The following KLHL12 variants were observed in gnomAD, a reference collection of about 807,000 sequenced individuals.
KLHL12 encodes the protein kelch-like protein 12.
Under a neutral mutation model 60.8 loss-of-function variants are expected in KLHL12, and 17 were observed. That is an observed-to-expected ratio of 0.28 (90% CI 0.19 to 0.42). KLHL12 has a LOEUF of 0.42. Among genes scored for constraint, KLHL12 ranks in the 10% least tolerant of loss-of-function variants. The pLI is 1.00. For synonymous variants in KLHL12, 220 were observed against 250.9 expected (o/e 0.88, Z 1.16); for missense variants, 468 against 722.3 (o/e 0.65, Z 4.04).
At chr1:202,905,039 A>T (rs1660140232) in intron 6 of KLHL12, among the ~76,000 whole-genome samples, 1 of 152,232 alleles carries the variant, frequency 6.6e-6, no homozygotes, top group East Asian at 1.9e-4. Flanking sequence ...GGTAGAGGAC[A>T]TGATGGTAAG....
chr1:202,907,551 T>C (rs907061784), intron 6 of KLHL12, among the ~76,000 whole-genome samples: 1 of 146,910 alleles, frequency 6.8e-6, no homozygotes, highest in African/African-American at 2.5e-5. Context: ...TGAGCCAAGA[T>C]TGCACCACTG....
Position 202,918,165 on chromosome 1 carries a change from C to G in KLHL12, c.567+6G>C, listed in dbSNP as rs755566576. On this transcript the variant is annotated splice_donor_region_variant and intron_variant, in intron 4 of 11. Transcript: ENST00000367261. ...AAGAAACCATAACATCAAGACAAATCCGTACCTGAATTTCGTCGCACTTGA... is the reference window on the plus strand; with the variant it reads ...AAGAAACCATAACATCAAGACAAATGCGTACCTGAATTTCGTCGCACTTGA... 1.2e-6 allele frequency: 2 copies of G among 1,602,754 alleles called. No homozygotes were observed. The highest frequency in any genetic ancestry group is 4.5e-5 in the East Asian group (2 of 44,828).
intron 9 of KLHL12, 98 bp from the exon 10 acceptor site, chr1:202,894,380 A>AT (rs1659766809): frequency 2.2e-6 from 2 of 929,718 alleles, no homozygotes; most frequent in Non-Finnish European, 3.3e-6. Flanking sequence ...TTTAGTTTCA[A>AT]TTTTCCCACA....
intron 1 of KLHL12, among the ~76,000 whole-genome samples, chr1:202,926,369 G>T (rs1421156213): frequency 1.3e-5 from 2 of 152,112 alleles, no homozygotes; most frequent in Non-Finnish European, 2.9e-5. Context: ...TCTTTCAACA[G>T]GAAAAATGAG....
chr1:202,896,664 C>G (rs1659844221), intron 7 of KLHL12, among the ~76,000 whole-genome samples, 190 bp downstream of exon 7: 1 of 152,210 alleles, frequency 6.6e-6, no homozygotes, highest in Non-Finnish European at 1.5e-5. Context: ...ACTGACATTT[C>G]TAAGGCATAA....
At chr1:202,892,771 G>T in intron 11 of KLHL12, 112 bp from the exon 12 acceptor site, 1 of 1,122,130 alleles carries the variant, frequency 8.9e-7, no homozygotes, top group Non-Finnish European at 1.3e-6. Context: ...AAGCCCAGGA[G>T]GGAATTTGAG....
chr1:202,928,256 CAG>C (rs1653711688), upstream of KLHL12, among the ~76,000 whole-genome samples: 1 of 120,344 alleles, frequency 8.3e-6, no homozygotes, highest in African/African-American at 3.2e-5. Flanking sequence ...GCCTGGGCGA[CAG>C]AGCAAGACTC....
intron 6 of KLHL12, among the ~76,000 whole-genome samples, chr1:202,901,364 C>T (rs544515856): frequency 6.6e-6 from 1 of 152,050 alleles, no homozygotes; most frequent in South Asian, 2.1e-4. Context: ...CTCCCAGGCT[C>T]AAGCAATCCT....
chr1:202,895,764 T>A lies in KLHL12; in HGVS notation c.940-47A>T, dbSNP rs763454909. On this transcript the variant is annotated intron_variant, in intron 7 of 11. Transcript: ENST00000367261. The surrounding 1 kb of genome is among the most constrained non-coding windows in gnomAD (Gnocchi z 4.2). ...GTACAGAGCATTTCAGTTAGGCAAGTTTTGGGCCTTACCTTTTGCTATCTT... is the reference window on the plus strand; with the variant it reads ...GTACAGAGCATTTCAGTTAGGCAAGATTTGGGCCTTACCTTTTGCTATCTT... 6.0e-6 allele frequency: 9 copies of A among 1,496,290 alleles called. No individual in the cohort carries two copies. The highest frequency in any genetic ancestry group is 3.5e-5 in the Admixed American group (2 of 57,216). The allele number at this position is 1,496,290 out of a possible 1,614,324, so 92.7% of individuals were successfully genotyped here.
intron 6 of KLHL12, among the ~76,000 whole-genome samples, chr1:202,904,301 G>A (rs753314178): frequency 6.6e-6 from 1 of 152,194 alleles, no homozygotes; most frequent in Non-Finnish European, 1.5e-5. Flanking sequence ...ACCCTGCCAG[G>A]CCAACCCTTT....
chr1:202,909,200 A>G lies in KLHL12; in HGVS notation c.718-76T>C. ...ATAAGAGTACAAAGAGCACATGCAA[A>G]TAATTAACTTCTGACTACAGAAAAC... On this transcript the variant is annotated intron_variant, in intron 5 of 11. Coordinates refer to ENST00000367261, the MANE Select transcript of KLHL12 (RefSeq NM_021633.4). The surrounding 1 kb of genome is among the most constrained non-coding windows in gnomAD (Gnocchi z 4.1). The G allele has an allele frequency of 1.1e-6, 1 of 908,426 alleles. No individual in the cohort carries two copies. The highest frequency in any genetic ancestry group is 1.7e-6 in the Non-Finnish European group (1 of 572,478). The allele number at this position is 908,426 out of a possible 1,614,324, so 56.3% of individuals were successfully genotyped here. A position where few individuals can be genotyped will look rare whatever the true frequency, so the allele number is the denominator to read the frequency against.
chr1:202,912,569 A>C, intron 4 of KLHL12: 2 of 1,162,506 alleles, frequency 1.7e-6, no homozygotes, highest in Non-Finnish European at 2.6e-6. Flanking sequence ...CAACTACAAT[A>C]ATCAGTCTTC....
At position 202,892,595 on chromosome 1, in the gene KLHL12, C is replaced by T; in HGVS notation, c.1645G>A (p.Val549Ile). ...CYDPIIDSWE[V>I]VTSMGTQRCD... is the part of the protein sequence containing the mutation. ...CGCTGGGTTCCCATGGATGTCACGA[C>T]TTCCCAGCTGTCGATGATAGGGTCA... The change falls in exon 12 of 12, where the codon GTC becomes ATC. Residue 549 changes from valine (V) to isoleucine (I), a missense_variant. By Grantham distance (29) the Val-to-Ile change is conservative (BLOSUM62 3). Coordinates refer to ENST00000367261, the MANE Select transcript of KLHL12 (RefSeq NM_021633.4). 6.2e-7 allele frequency: 1 copy of T among 1,614,162 alleles called. No individual in the cohort carries two copies. The highest frequency in any genetic ancestry group is 8.5e-7 in the Non-Finnish European group (1 of 1,180,016).
rs1478854844 is a variant in KLHL12, at chr1:202,895,450, C to T, written c.1135+72G>A. 6.2e-6 allele frequency: 8 copies of T among 1,296,460 alleles called. No homozygotes were observed. In the East Asian group the frequency reaches 1.6e-4, roughly 26 times the overall value. The allele number at this position is 1,296,460 out of a possible 1,614,324, so 80.3% of individuals were successfully genotyped here. A position where few individuals can be genotyped will look rare whatever the true frequency, so the allele number is the denominator to read the frequency against. ...CTCCGTATTTCATGCTCCTGCCAGA[C>T]AACAGGAGAGGTTAAAAACCCTGGT... On this transcript the variant is annotated intron_variant, in intron 8 of 11. Transcript: ENST00000367261. The surrounding 1 kb of genome is among the most constrained non-coding windows in gnomAD (Gnocchi z 4.2).
chr1:202,894,604 C>T lies in KLHL12; in HGVS notation c.1281G>A (p.Val427=). 2 of 1,614,086 alleles carry T rather than the reference C, an allele frequency of 1.2e-6. No individual in the cohort carries two copies. The highest frequency in any genetic ancestry group is 2.2e-5 in the South Asian group (2 of 91,072). Residue 427 remains valine (V), a synonymous_variant, in exon 9 of 12, where the codon GTG becomes GTA. Coordinates refer to ENST00000367261, the MANE Select transcript of KLHL12 (RefSeq NM_021633.4). ...EGAGLVVASG[V]IYCLGGYDGL... ...CAGACTCAATACCTAGACAGTAGAT[C>T]ACTCCACTGGCCACTACGAGTCCGG...
chr1:202,895,609 C>G lies in KLHL12; in HGVS notation c.1048G>C (p.Asp350His). 1 of 1,614,132 alleles carries G rather than the reference C, an allele frequency of 6.2e-7. No homozygotes were observed. The highest frequency in any genetic ancestry group is 8.5e-7 in the Non-Finnish European group (1 of 1,180,006). Residue 350 changes from aspartate to histidine, a missense_variant, in exon 8 of 12, where the codon GAC (aspartate) becomes CAC (histidine). Asp to His is a moderately conservative substitution (Grantham distance 81, BLOSUM62 -1). Transcript: ENST00000367261. The surrounding 1 kb of genome is among the most constrained non-coding windows in gnomAD (Gnocchi z 4.2). Reference sequence around the variant, plus strand: ...ACCCCATCCTCATCTGCTGTGTAGTCTAGACATTCCACTGAACTAAGGCGG... The same window carrying G: ...ACCCCATCCTCATCTGCTGTGTAGTGTAGACATTCCACTGAACTAAGGCGG... ...RSRLSSVECL[D>H]YTADEDGVWY...
At chr1:202,906,724 C>T (rs535812179) in intron 6 of KLHL12, among the ~76,000 whole-genome samples, 2 of 152,002 alleles carry the variant, frequency 1.3e-5, no homozygotes, top group African/African-American at 4.8e-5. Flanking sequence ...TACAATGGTG[C>T]AATCTTGGCT....
chr1:202,895,114 G>A lies in KLHL12; in HGVS notation c.1136-365C>T, dbSNP rs536600624. 6.6e-6 allele frequency among the ~76,000 whole-genome samples: 1 copy of A among 152,296 alleles called. No individual in the cohort carries two copies. The highest frequency in any genetic ancestry group is 2.4e-5 in the African/African-American group (1 of 41,578). ...AAGCAAAAAGGAGTATTTGTCGGCT[G>A]GGCACAGTGGCTCACACCTGTAATC... is the stretch of plus-strand genomic sequence containing the variant. On this transcript the variant is annotated intron_variant, in intron 8 of 11. Transcript: ENST00000367261. This position sits in a 1 kb window ranked among gnomAD's most constrained non-coding sequence, Gnocchi z 4.2.
chr1:202,897,142 T>C (rs543999383), intron 6 of KLHL12, among the ~76,000 whole-genome samples, 182 bp from the exon 7 acceptor site: 2 of 152,192 alleles, frequency 1.3e-5, no homozygotes, highest in East Asian at 3.9e-4. Flanking sequence ...CTTGAGGCTG[T>C]AGCTCTCGAG....
Sources: gnomAD v4.1 joint callset for allele counts (sites outside exome capture counted in the v4.1 genomes callset) on GRCh38, gnomAD v4.1.1 for gene constraint, Gnocchi (gnomAD v3.1) non-coding constraint, MANE v1.5 for transcripts, NCBI Gene and HGNC (gene_info 2026-07-23, HGNC 2026-07-21) for gene names.